KLHL32: variants seen among roughly 807,000 people sequenced by gnomAD.
KLHL32 encodes the protein kelch like family member 32.
Under a neutral mutation model 64.8 loss-of-function variants are expected in KLHL32, and 35 were observed. The ratio of observed to expected loss-of-function variants is 0.54; its 90% CI spans 0.41 to 0.72. The LOEUF is 0.72. Among genes scored for constraint, KLHL32 ranks in the 30% least tolerant of loss-of-function variants. The pLI, the probability that KLHL32 is intolerant of heterozygous loss-of-function variation, is 0.00. For synonymous variants in KLHL32, 259 were observed against 281.0 expected (o/e 0.92, Z 0.78); for missense variants, 589 against 768.5 (o/e 0.77, Z 2.76).
chr6:96,904,291 G>A, the KLHL32 span, among the ~76,000 whole-genome samples: 1 of 144,146 alleles, frequency 6.9e-6, no homozygotes, highest in African/African-American at 2.6e-5. Flanking sequence ...GCAGTGAGCC[G>A]ATATCAGGCC....
chr6:96,934,508 C>A lies in KLHL32; in HGVS notation c.-66+9482C>A, dbSNP rs186113331. Among the ~76,000 whole-genome samples, 181 of 152,350 alleles carry A rather than the reference C, an allele frequency of 1.2e-3. 1 individual carries two copies. Among genetic ancestry groups the A allele is most frequent in the Non-Finnish European group, 8.1e-4 (55 of 68,038 alleles). ...TTCTGATGTCAGTGCTCTCCAGATACTCAGTGGACATTTAAACAACACAAA... is the reference window on the plus strand; with the variant it reads ...TTCTGATGTCAGTGCTCTCCAGATAATCAGTGGACATTTAAACAACACAAA... On this transcript the variant is annotated intron_variant, in intron 1 of 10. Coordinates refer to ENST00000369261, the MANE Select transcript of KLHL32 (RefSeq NM_052904.4).
intron 1 of KLHL32, among the ~76,000 whole-genome samples, chr6:96,929,373 CT>C (rs1769563359): frequency 6.6e-6 from 1 of 152,070 alleles, no homozygotes; most frequent in African/African-American, 2.4e-5. Flanking sequence ...AAGCAAGGGG[CT>C]TTTTGGTGAC....
chr6:96,964,844 A>G (rs181377909), intron 1 of KLHL32, among the ~76,000 whole-genome samples: 16 of 152,280 alleles, frequency 1.1e-4, no homozygotes, highest in Admixed American at 5.2e-4. Context: ...ATTTTAACTC[A>G]CCTTTTGAAA....
At chr6:96,987,809 A>G (rs1170599588) in intron 3 of KLHL32, among the ~76,000 whole-genome samples, 2 of 152,212 alleles carry the variant, frequency 1.3e-5, no homozygotes, top group Non-Finnish European at 2.9e-5. Context: ...CATATCTACA[A>G]CCATCTGATC....
At chr6:96,987,157 C>T (rs1276104625) in intron 3 of KLHL32, among the ~76,000 whole-genome samples, 4 of 152,148 alleles carry the variant, frequency 2.6e-5, no homozygotes, top group East Asian at 1.9e-4. Context: ...TTTCAAAAAA[C>T]CAGCTCCTGG....
At chr6:96,963,954 T>A (rs1416891295) in intron 1 of KLHL32, among the ~76,000 whole-genome samples, 1 of 152,180 alleles carries the variant, frequency 6.6e-6, no homozygotes, top group Non-Finnish European at 1.5e-5. Context: ...ATCTCAAAGG[T>A]GATCACTCTT....
At chr6:97,095,445 T>C (rs1055829082) in intron 6 of KLHL32, among the ~76,000 whole-genome samples, 3 of 152,218 alleles carry the variant, frequency 2.0e-5, no homozygotes, top group Non-Finnish European at 4.4e-5. Flanking sequence ...TGTAGTGCTT[T>C]AGAATGATTA....
At chr6:97,044,406 C>T (rs1582828055) in intron 4 of KLHL32, among the ~76,000 whole-genome samples, 1 of 151,938 alleles carries the variant, frequency 6.6e-6, no homozygotes, top group Admixed American at 6.6e-5. Context: ...ATGTAGTTTG[C>T]TAGTATTTTC....
chr6:97,021,719 G>C (rs971104933), intron 3 of KLHL32, among the ~76,000 whole-genome samples: 2 of 150,692 alleles, frequency 1.3e-5, no homozygotes, highest in Non-Finnish European at 2.9e-5. Flanking sequence ...TTTCCGAATT[G>C]GACTTCCCCT....
chr6:97,116,731 C>A (rs545538905), intron 7 of KLHL32, among the ~76,000 whole-genome samples: 1 of 152,154 alleles, frequency 6.6e-6, no homozygotes, highest in Non-Finnish European at 1.5e-5. Flanking sequence ...TCGCTAGATC[C>A]GTCGTCCTGG....
At chr6:97,035,217 CAACTT>C (rs1425605031) in intron 3 of KLHL32, among the ~76,000 whole-genome samples, 2 of 152,062 alleles carry the variant, frequency 1.3e-5, no homozygotes, top group African/African-American at 4.8e-5. Context: ...AAGTTCATAA[CAACTT>C]AACTGCACAC....
At position 96,929,385 on chromosome 6, in the gene KLHL32, A is replaced by C. The variant is rs142642710; in HGVS notation, c.-66+4359A>C. On this transcript the variant is annotated intron_variant, in intron 1 of 10. Transcript: ENST00000369261. The stretch of plus-strand genomic sequence containing the variant: ...AATAAGCAAGGGGCTTTTTGGTGAC[A>C]GCAGAGATAGATGTGGCTATGTCTC... 1.1e-3 allele frequency among the ~76,000 whole-genome samples: 174 copies of C among 152,326 alleles called. 1 individual carries two copies. The highest frequency in any genetic ancestry group is 2.3e-3 in the Non-Finnish European group (156 of 68,014).
the KLHL32 span, among the ~76,000 whole-genome samples, chr6:96,916,604 T>C: frequency 2.5e-3 from 374 of 152,344 alleles, 2 homozygotes; most frequent in Non-Finnish European, 3.5e-3. Context: ...ACTGCTTCAT[T>C]GGTTCTTCCA....
At chr6:97,045,476 A>G (rs1413241172) in intron 4 of KLHL32, among the ~76,000 whole-genome samples, 1 of 142,318 alleles carries the variant, frequency 7.0e-6, no homozygotes, top group Non-Finnish European at 1.5e-5. Flanking sequence ...ATGGGATGAA[A>G]TAGTAATTTT....
chr6:97,076,792 C>T (rs1438949026), intron 5 of KLHL32, among the ~76,000 whole-genome samples: 2 of 151,932 alleles, frequency 1.3e-5, no homozygotes, highest in Non-Finnish European at 2.9e-5. Flanking sequence ...ATATTTATCT[C>T]CAGTGTAGCT....
chr6:97,045,564 A>G (rs1785794887), intron 4 of KLHL32, among the ~76,000 whole-genome samples: 1 of 152,214 alleles, frequency 6.6e-6, no homozygotes, highest in African/African-American at 2.4e-5. Flanking sequence ...CTTAGAGGCA[A>G]TGGTCTGTAA....
chr6:97,037,071 T>C (rs558596434), intron 3 of KLHL32, among the ~76,000 whole-genome samples: 107 of 152,256 alleles, frequency 7.0e-4, no homozygotes, highest in Middle Eastern at 3.4e-3. Flanking sequence ...AGCTTTTTAA[T>C]ATATCAAATA....
At chr6:96,929,790 AG>A (rs551268836) in intron 1 of KLHL32, among the ~76,000 whole-genome samples, 21 of 152,210 alleles carry the variant, frequency 1.4e-4, no homozygotes, top group Non-Finnish European at 2.6e-4. Context: ...CGAACTATGT[AG>A]GAAAAAAAAC....
intron 3 of KLHL32, among the ~76,000 whole-genome samples, chr6:97,004,885 GTTGTGGAT>G (rs540317706): frequency 6.6e-6 from 1 of 151,856 alleles, no homozygotes; most frequent in Non-Finnish European, 1.5e-5. Context: ...TTAGTATTTT[GTTGTGGAT>G]TTTTGCATCT....
Sources: allele counts gnomAD v4.1 joint callset (sites outside exome capture counted in the v4.1 genomes callset), GRCh38; gene constraint gnomAD v4.1.1; transcripts MANE v1.5; gene names NCBI Gene and HGNC (gene_info 2026-07-23, HGNC 2026-07-21).